Variants in PFKFB2 observed in about 807,000 individuals in gnomAD.
PFKFB2 encodes the protein 6-phosphofructo-2-kinase/fructose-2,6-biphosphatase 2, also known as 6-phosphofructo-2-kinase/fructose-2,6-bisphosphatase 2.
A neutral mutation model predicts 68.0 loss-of-function variants in PFKFB2; 53 were observed. The observed-to-expected ratio is 0.78, with a 90% CI of 0.63 to 0.98. The LOEUF (loss-of-function observed/expected upper bound fraction) is 0.98, where lower values mean the gene tolerates loss of function less well. Ranked by LOEUF, PFKFB2 falls within the 50% of genes least tolerant of loss-of-function variation. The pLI, the probability that PFKFB2 is intolerant of heterozygous loss-of-function variation, is 0.00. For synonymous variants in PFKFB2, 222 were observed against 227.6 expected (o/e 0.98, Z 0.22); for missense variants, 451 against 642.0 (o/e 0.70, Z 3.22).
At chr1:207,038,869 C>T (rs1393096055) in intron 1 of PFKFB2, among the ~76,000 whole-genome samples, 1 of 152,102 alleles carries the variant, frequency 6.6e-6, no homozygotes, top group Non-Finnish European at 1.5e-5. Flanking sequence ...ATACCCACCA[C>T]CTAGGGAAGT....
upstream of PFKFB2, chr1:207,051,072 G>A: frequency 3.4e-6 from 5 of 1,464,888 alleles, no homozygotes; most frequent in Non-Finnish European, 4.5e-6. Flanking sequence ...CGACGCTTCG[G>A]TGCGGCTTCT....
chr1:207,078,874 G>A (rs1352325385), downstream of PFKFB2: 11 of 1,183,906 alleles, frequency 9.3e-6, no homozygotes, highest in Non-Finnish European at 1.4e-5. Flanking sequence ...GGAAGGTAGG[G>A]GAAGGATTCT....
chr1:207,058,485 T>G (rs1422905240), intron 2 of PFKFB2, among the ~76,000 whole-genome samples: 1 of 152,234 alleles, frequency 6.6e-6, no homozygotes, highest in Non-Finnish European at 1.5e-5. Context: ...AGGAGACTGG[T>G]CAGAACCCTG....
At chr1:207,052,191 T>C (rs1682769137), upstream of PFKFB2, 2 of 1,612,720 alleles carry the variant, frequency 1.2e-6, no homozygotes, top group Non-Finnish European at 1.7e-6. Flanking sequence ...TCACCTCCAC[T>C]GTAAAAGACT....
At chr1:207,057,248 C>T (rs1020850615) in intron 2 of PFKFB2, among the ~76,000 whole-genome samples, 2 of 147,302 alleles carry the variant, frequency 1.4e-5, no homozygotes, top group Non-Finnish European at 3.0e-5. Context: ...GAGATCAAGA[C>T]CATCCTGGCT....
Position 207,067,619 on chromosome 1 carries a change from C to A in PFKFB2, c.753C>A (p.Thr251=), listed in dbSNP as rs201110872. 17 of 1,613,974 alleles carry A rather than the reference C, an allele frequency of 1.1e-5. No homozygotes were observed. Among genetic ancestry groups the A allele is most frequent in the Non-Finnish European group, 1.4e-5 (17 of 1,180,020 alleles). The change falls in exon 9 of 15, where the codon ACC becomes ACA. Residue 251 remains threonine, a synonymous_variant. Transcript: ENST00000367080. ...TGAATATCCACGTCCAGCCTCGCAC[C>A]ATTTACCTTTGCCGGCATGGAGAAA... ...YLMNIHVQPR[T]IYLCRHGESE...
Position 207,077,649 on chromosome 1 carries a change from T to C in PFKFB2, c.*5278T>C, listed in dbSNP as rs537672535. On this transcript the variant is annotated 3_prime_UTR_variant, in exon 15 of 15. Transcript: ENST00000367080. ...TGTAGATTTCCTAGGCACTGCTCTGTTGAAATAGGAACATAAGTCTTTAGC... is the reference window on the plus strand; with the variant it reads ...TGTAGATTTCCTAGGCACTGCTCTGCTGAAATAGGAACATAAGTCTTTAGC... The C allele has an allele frequency of 3.4e-5, 34 of 985,776 alleles. No individual in the cohort carries two copies. In the South Asian group the frequency reaches 1.3e-3, roughly 37 times the overall value. 61.1% of individuals were successfully genotyped at this position (985,776 alleles called of 1,614,324 possible).
chr1:207,072,184 G>A lies in PFKFB2; in HGVS notation c.1351-20G>A, dbSNP rs1288210028. 1 of 1,611,452 alleles carries A rather than the reference G, an allele frequency of 6.2e-7. No individual in the cohort carries two copies. Among genetic ancestry groups the A allele is most frequent in the East Asian group, 2.2e-5 (1 of 44,850 alleles). On this transcript the variant is annotated intron_variant, in intron 14 of 14. Transcript: ENST00000367080. The stretch of plus-strand genomic sequence containing the variant: ...TTGGCTTGGCTTTCATTTGTGTGGT[G>A]TCACTCCATTTCCAATCAGAACAAC...
chr1:207,076,831 G>A lies in PFKFB2; in HGVS notation c.*4460G>A, dbSNP rs570891871. ...AAAATTTGGGTGTTGCCTGACTAAC[G>A]GTCTAGGGTCTGTAAGCTGACAGTC... On this transcript the variant is annotated 3_prime_UTR_variant, in exon 15 of 15. Coordinates refer to ENST00000367080, the MANE Select transcript of PFKFB2 (RefSeq NM_006212.2). The A allele has an allele frequency of 4.3e-5, 42 of 985,352 alleles. No homozygotes were observed. In the African/African-American group the frequency reaches 4.5e-4, roughly 11 times the overall value. 61.0% of individuals were successfully genotyped at this position (985,352 alleles called of 1,614,324 possible). A position where few individuals can be genotyped will look rare whatever the true frequency, so the allele number is the denominator to read the frequency against.
Position 207,064,902 on chromosome 1 carries a change from G to A in PFKFB2, c.508-134G>A. On this transcript the variant is annotated intron_variant, in intron 7 of 14. Transcript: ENST00000367080. Reference sequence around the variant, plus strand: ...CGGGGCGGGGCGGGGGGTACTCAATGAGTGGAGTGCCAATGTTCCAGTGAA... The same window carrying A: ...CGGGGCGGGGCGGGGGGTACTCAATAAGTGGAGTGCCAATGTTCCAGTGAA... 6.9e-6 allele frequency: 7 copies of A among 1,010,102 alleles called. 1 individual carries two copies. The highest frequency in any genetic ancestry group is 1.0e-5 in the Non-Finnish European group (7 of 702,886). 62.6% of individuals were successfully genotyped at this position (1,010,102 alleles called of 1,614,324 possible). A position where few individuals can be genotyped will look rare whatever the true frequency, so the allele number is the denominator to read the frequency against.
Position 207,064,292 on chromosome 1 carries a change from C to T in PFKFB2, c.507+463C>T, listed in dbSNP as rs1683215444. On this transcript the variant is annotated intron_variant, in intron 7 of 14. Transcript: ENST00000367080. ...GCCACAGTGAGCCGTGATTGTGCCA[C>T]TGCAGTCCAGTCTTGGTGACAGAGT... 2.0e-5 allele frequency among the ~76,000 whole-genome samples: 3 copies of T among 152,002 alleles called. No homozygotes were observed. In the South Asian group the frequency reaches 6.2e-4, roughly 32 times the overall value.
Position 207,063,902 on chromosome 1 carries a change from T to TGG in PFKFB2, c.507+74_507+75insGG. ...GTGTGTTGTGGGGTGTGTGTGTGTG[T>TGG]GTGTGTGTGTGTGTTGTTGGGGAGG... On this transcript the variant is annotated intron_variant, in intron 7 of 14. Coordinates refer to ENST00000367080, the MANE Select transcript of PFKFB2 (RefSeq NM_006212.2). The surrounding 1 kb of genome is among the most constrained non-coding windows in gnomAD (Gnocchi z 4.1). 1 of 1,028,770 alleles carries TGG rather than the reference T, an allele frequency of 9.7e-7. No homozygotes were observed. Among genetic ancestry groups the TGG allele is most frequent in the Non-Finnish European group, 1.5e-6 (1 of 651,420 alleles). The allele number at this position is 1,028,770 out of a possible 1,614,324, so 63.7% of individuals were successfully genotyped here.
chr1:207,044,541 C>T (rs1422472796), intron 2 of PFKFB2: 1 of 152,484 alleles, frequency 6.6e-6, no homozygotes, highest in African/African-American at 2.4e-5. Flanking sequence ...TATATCTTCA[C>T]CATTCCTAAA....
At chr1:207,058,032 G>C (rs1266556371) in intron 2 of PFKFB2, among the ~76,000 whole-genome samples, 1 of 152,142 alleles carries the variant, frequency 6.6e-6, no homozygotes. Context: ...TTACTAATTT[G>C]CTCTCCTAAG....
rs908070137 is a variant in PFKFB2 at position 207,065,160 on chromosome 1, A to G, written c.632A>G (p.Lys211Arg). The G allele has an allele frequency of 3.7e-6, 6 of 1,613,636 alleles. No homozygotes were observed. The Admixed American group carries it at 5.0e-5, about 13-fold the overall frequency. Reference protein sequence around the residue: ...YRPLDPDNYDKDLSFIKVINV... With the variant: ...YRPLDPDNYDRDLSFIKVINV... The stretch of plus-strand genomic sequence containing the variant: ...CCTCTTGACCCAGACAACTATGACA[A>G]GTAAGGTTTAAGGCCATGGTTTGAA... Residue 211 changes from lysine (K) to arginine (R), a missense_variant and splice_region_variant, in exon 8 of 15, where the codon AAG (lysine) becomes AGG (arginine). Physicochemically the swap from Lys to Arg is conservative, Grantham distance 26 (BLOSUM62 2). Transcript: ENST00000367080.
At chr1:207,062,498 A>G in intron 3 of PFKFB2, 122 bp from the exon 4 acceptor site, 3 of 1,467,238 alleles carry the variant, frequency 2.0e-6, no homozygotes, top group Non-Finnish European at 1.8e-6. Context: ...ATTGTTCCCA[A>G]CCTACCATGC....
chr1:207,054,610 TTA>T, intron 1 of PFKFB2, 89 bp from the exon 2 acceptor site: 1 of 806,286 alleles, frequency 1.2e-6, no homozygotes, highest in Non-Finnish European at 2.0e-6. Context: ...GTGTTTTTAC[TTA>T]TACCACACGG....
At chr1:207,052,278 A>C (rs776216880), upstream of PFKFB2, 15 of 1,559,364 alleles carry the variant, frequency 9.6e-6, no homozygotes, top group Non-Finnish European at 1.3e-5. Flanking sequence ...TGCTGGTGCA[A>C]TTTTCCTCCT....
At chr1:207,054,661 C>G in intron 1 of PFKFB2, 40 bp from the exon 2 acceptor site, 1 of 1,381,952 alleles carries the variant, frequency 7.2e-7, no homozygotes, top group Non-Finnish European at 1.0e-6. Flanking sequence ...TGTCTTCTTT[C>G]TTCCCCTTCC....
Sources: allele counts gnomAD v4.1 joint callset (sites outside exome capture counted in the v4.1 genomes callset), GRCh38; gene constraint gnomAD v4.1.1; non-coding constraint Gnocchi (gnomAD v3.1); transcripts MANE v1.5; gene names NCBI Gene and HGNC (gene_info 2026-07-23, HGNC 2026-07-21).